PTPRG: variants seen among roughly 807,000 people sequenced by gnomAD.
PTPRG encodes receptor-type tyrosine-protein phosphatase gamma.
PTPRG carries 102 observed loss-of-function variants against 165.3 expected under a neutral mutation model. The observed-to-expected ratio is 0.62, with a 90% CI of 0.53 to 0.73. The LOEUF (loss-of-function observed/expected upper bound fraction) is 0.73, where lower values mean the gene tolerates loss of function less well. Among genes scored for constraint, PTPRG ranks in the 30% least tolerant of loss-of-function variants. The probability of loss-of-function intolerance (pLI) is 0.00; values close to 1 mark genes in which losing one functional copy is unlikely to be tolerated. For missense variants in PTPRG, 1,866 were observed against 1,861.4 expected (o/e 1.00, Z -0.05); for synonymous variants, 675 against 669.5 (o/e 1.01, Z -0.13).
At position 61,811,936 on chromosome 3, in the gene PTPRG, T is replaced by C. The variant is rs560003182; in HGVS notation, c.190+62954T>C. Reference sequence around the variant, plus strand: ...TTAGATTATTGTTCATCTTGAGCTCTGCGCTTTCTCTCCATTTGTTGTGGC... The same window carrying C: ...TTAGATTATTGTTCATCTTGAGCTCCGCGCTTTCTCTCCATTTGTTGTGGC... On this transcript the variant is annotated intron_variant, in intron 2 of 29. Transcript: ENST00000474889. 6.6e-5 allele frequency among the ~76,000 whole-genome samples: 10 copies of C among 152,340 alleles called. 2 individuals are homozygous for C. In the South Asian group the frequency reaches 2.1e-3, roughly 32 times the overall value.
intron 17 of PTPRG, among the ~76,000 whole-genome samples, chr3:62,265,843 T>TAC (rs1214009574): frequency 1.2e-4 from 14 of 117,234 alleles, no homozygotes; most frequent in South Asian, 6.0e-4. Context: ...TATACATACA[T>TAC]ACATACACAC....
intron 1 of PTPRG, among the ~76,000 whole-genome samples, chr3:61,703,090 C>G (rs1470034508): frequency 6.6e-6 from 1 of 152,022 alleles, no homozygotes; most frequent in Non-Finnish European, 1.5e-5. Context: ...TACCACTACC[C>G]TCTGCTGCTG....
At chr3:61,747,001 A>G (rs2033233164) in intron 1 of PTPRG, among the ~76,000 whole-genome samples, 1 of 152,126 alleles carries the variant, frequency 6.6e-6, no homozygotes, top group Non-Finnish European at 1.5e-5. Flanking sequence ...GCATGCGCTG[A>G]TGGTCCCAGC....
rs945170481 is a variant in PTPRG, at chr3:62,252,793, C to T, written c.2468-2331C>T. On this transcript the variant is annotated intron_variant, in intron 15 of 29. Transcript: ENST00000474889. The surrounding 1 kb of genome is among the most constrained non-coding windows in gnomAD (Gnocchi z 4.6). ...ACTCCTCAGCTATTTATCTTGATTGCAGGGCAAATGCTGTATTATCTGGGT... is the reference window on the plus strand; with the variant it reads ...ACTCCTCAGCTATTTATCTTGATTGTAGGGCAAATGCTGTATTATCTGGGT... Among the ~76,000 whole-genome samples, 10 of 152,146 alleles carry T rather than the reference C, an allele frequency of 6.6e-5. 1 individual carries two copies. Among genetic ancestry groups the T allele is most frequent in the South Asian group, 6.2e-4 (3 of 4,824 alleles).
At chr3:62,164,262 G>A (rs1704881080) in intron 7 of PTPRG, among the ~76,000 whole-genome samples, 1 of 152,116 alleles carries the variant, frequency 6.6e-6, no homozygotes, top group South Asian at 2.1e-4. Context: ...CAAGAGTCAG[G>A]GTGTGGGGAC....
chr3:61,755,688 G>T (rs577421112), intron 2 of PTPRG, among the ~76,000 whole-genome samples: 8 of 152,296 alleles, frequency 5.3e-5, no homozygotes, highest in African/African-American at 1.7e-4. Flanking sequence ...CTTGAGCCTG[G>T]AGGGCTCTGG....
At chr3:61,676,623 T>C (rs190171910) in intron 1 of PTPRG, among the ~76,000 whole-genome samples, 1 of 152,134 alleles carries the variant, frequency 6.6e-6, no homozygotes, top group Admixed American at 6.5e-5. Flanking sequence ...CGCCTTGATA[T>C]ATTTTAACGT....
intron 4 of PTPRG, among the ~76,000 whole-genome samples, chr3:62,040,828 A>T (rs1700103432): frequency 6.6e-6 from 1 of 152,182 alleles, no homozygotes. Context: ...AGCTGTGAAC[A>T]CACTTTGATT....
chr3:61,926,059 A>G, intron 2 of PTPRG: 4 of 424,612 alleles, frequency 9.4e-6, no homozygotes, highest in Non-Finnish European at 1.9e-5. Context: ...ACCGCATTTT[A>G]GCAAGATCTG....
intron 2 of PTPRG, among the ~76,000 whole-genome samples, chr3:61,827,091 G>A (rs187331951): frequency 6.6e-6 from 1 of 152,160 alleles, no homozygotes; most frequent in East Asian, 1.9e-4. Context: ...CAGAGTAAGG[G>A]CATGCTTTGC....
At chr3:61,856,939 C>A (rs1031709166) in intron 2 of PTPRG, among the ~76,000 whole-genome samples, 1 of 152,192 alleles carries the variant, frequency 6.6e-6, no homozygotes. Flanking sequence ...TGACTGCTGT[C>A]GCTCAAGCTG....
intron 28 of PTPRG, 57 bp downstream of exon 28, chr3:62,282,926 T>C (rs934187576): frequency 1.3e-6 from 2 of 1,512,094 alleles, no homozygotes; most frequent in South Asian, 2.5e-5. Flanking sequence ...TAATTTCTTG[T>C]TGAAAGCAGT....
chr3:62,190,506 G>A lies in PTPRG; in HGVS notation c.1034-963G>A, dbSNP rs1483026384. ...TCTCAACACTTTCATAGGTTTGTCT[G>A]TAAATAGATTTAGATCCACCGTGTC... On this transcript the variant is annotated intron_variant, in intron 8 of 29. Coordinates refer to ENST00000474889, the MANE Select transcript of PTPRG (RefSeq NM_002841.4). The surrounding 1 kb of genome is among the most constrained non-coding windows in gnomAD (Gnocchi z 5.2). Among the ~76,000 whole-genome samples the A allele has an allele frequency of 6.6e-6, 1 of 152,110 alleles. No individual in the cohort carries two copies. The highest frequency in any genetic ancestry group is 6.6e-5 in the Admixed American group (1 of 15,264).
chr3:62,071,936 A>G (rs1701222643), intron 4 of PTPRG, among the ~76,000 whole-genome samples: 1 of 152,170 alleles, frequency 6.6e-6, no homozygotes, highest in Non-Finnish European at 1.5e-5. Context: ...AACATTAACA[A>G]TGTTTTAATA....
At position 61,764,707 on chromosome 3, in the gene PTPRG, A is replaced by G. The variant is rs571511195; in HGVS notation, c.190+15725A>G. Among the ~76,000 whole-genome samples the G allele has an allele frequency of 1.4e-4, 21 of 152,288 alleles. No individual in the cohort carries two copies. The South Asian group carries it at 3.7e-3, about 27-fold the overall frequency. The stretch of plus-strand genomic sequence containing the variant: ...ATAGCACTTGGAAAGGTTCAATGTT[A>G]TACCTTAAACTACTCTGTGAATTTT... On this transcript the variant is annotated intron_variant, in intron 2 of 29. Coordinates refer to ENST00000474889, the MANE Select transcript of PTPRG (RefSeq NM_002841.4).
chr3:61,699,213 C>T (rs972871524), intron 1 of PTPRG, among the ~76,000 whole-genome samples: 7 of 151,478 alleles, frequency 4.6e-5, no homozygotes, highest in Admixed American at 3.9e-4. Flanking sequence ...TGAGATCGGG[C>T]GCGTTCAGGG....
intron 2 of PTPRG, among the ~76,000 whole-genome samples, chr3:61,901,230 G>A (rs1427059794): frequency 2.0e-5 from 3 of 152,190 alleles, no homozygotes; most frequent in African/African-American, 7.2e-5. Flanking sequence ...TACCATGTCT[G>A]TATATATCTG....
At chr3:62,212,603 G>A (rs1576141545) in intron 12 of PTPRG, among the ~76,000 whole-genome samples, 1 of 152,128 alleles carries the variant, frequency 6.6e-6, no homozygotes, top group South Asian at 2.1e-4. Context: ...AAACCAGGCT[G>A]GCCAGAGTGA....
intron 8 of PTPRG, among the ~76,000 whole-genome samples, chr3:62,188,616 C>G (rs778625877): frequency 3.3e-5 from 5 of 152,058 alleles, no homozygotes; most frequent in Non-Finnish European, 7.3e-5. Context: ...CATCTTAATG[C>G]ACACAGAAAA....
Sources: allele counts gnomAD v4.1 joint callset (sites outside exome capture counted in the v4.1 genomes callset), GRCh38; gene constraint gnomAD v4.1.1; non-coding constraint Gnocchi (gnomAD v3.1); transcripts MANE v1.5; gene names NCBI Gene and HGNC (gene_info 2026-07-23, HGNC 2026-07-21).